The following COG5 variants were observed in gnomAD, a reference collection of about 807,000 sequenced individuals.
The protein encoded by COG5 is conserved oligomeric Golgi complex subunit 5.
COG5 carries 86 observed loss-of-function variants against 110.4 expected under a neutral mutation model. The ratio of observed to expected loss-of-function variants is 0.78; its 90% CI spans 0.65 to 0.93. The LOEUF (loss-of-function observed/expected upper bound fraction) is 0.93, where lower values mean the gene tolerates loss of function less well. Among genes scored for constraint, COG5 ranks in the 40% least tolerant of loss-of-function variants. The pLI is 0.00. For missense variants in COG5, 1,077 were observed against 987.0 expected, an observed-to-expected ratio of 1.09 and a Z score of -1.22; for synonymous variants, 360 against 334.6, an observed-to-expected ratio of 1.08 and a Z score of -0.83.
At chr7:107,275,443 T>G (rs1804627027) in intron 14 of COG5, among the ~76,000 whole-genome samples, 1 of 151,982 alleles carries the variant, frequency 6.6e-6, no homozygotes, top group South Asian at 2.1e-4. Flanking sequence ...GATTTCATAT[T>G]GCCTTTGATC....
intron 14 of COG5, among the ~76,000 whole-genome samples, chr7:107,278,532 G>A (rs1019035796): frequency 2.5e-4 from 38 of 152,178 alleles, no homozygotes; most frequent in African/African-American, 8.7e-4. Flanking sequence ...TTGGTTTTCT[G>A]TTCCTGTGTT....
chr7:107,223,351 C>T (rs759350196), intron 19 of COG5, among the ~76,000 whole-genome samples: 2 of 152,196 alleles, frequency 1.3e-5, no homozygotes, highest in East Asian at 1.9e-4. Flanking sequence ...GTTTGTGGCA[C>T]GAGGGGCCAT....
At chr7:107,494,030 C>G in intron 6 of COG5, among the ~76,000 whole-genome samples, 1 of 152,078 alleles carries the variant, frequency 6.6e-6, no homozygotes, top group Non-Finnish European at 1.5e-5. Flanking sequence ...ACCCCAAAAA[C>G]CAAAGTAAAG....
intron 14 of COG5, among the ~76,000 whole-genome samples, chr7:107,275,951 T>A (rs1247116150): frequency 6.6e-6 from 1 of 152,180 alleles, no homozygotes; most frequent in Non-Finnish European, 1.5e-5. Context: ...ACTTATAAAA[T>A]TATATAAAGA....
chr7:107,449,414 A>T (rs962080360), intron 6 of COG5, among the ~76,000 whole-genome samples: 1 of 152,214 alleles, frequency 6.6e-6, no homozygotes, highest in African/African-American at 2.4e-5. Flanking sequence ...TGGTAGCCAC[A>T]TCCTTTTGCT....
At chr7:107,218,808 T>C (rs755692954) in intron 19 of COG5, among the ~76,000 whole-genome samples, 1 of 151,942 alleles carries the variant, frequency 6.6e-6, no homozygotes, top group Non-Finnish European at 1.5e-5. Flanking sequence ...GTCTGGGAGG[T>C]AACTTTTTGG....
intron 6 of COG5, among the ~76,000 whole-genome samples, chr7:107,504,399 T>C (rs1798833089): frequency 1.3e-5 from 2 of 152,336 alleles, no homozygotes; most frequent in South Asian, 2.1e-4. Flanking sequence ...TTTGGTTAGT[T>C]AGTATTTTGT....
At chr7:107,310,944 CATTCTATGGA>C (rs1465047229) in intron 11 of COG5, among the ~76,000 whole-genome samples, 3 of 152,226 alleles carry the variant, frequency 2.0e-5, no homozygotes, top group Admixed American at 2.0e-4. Flanking sequence ...AAATCCATTC[CATTCTATGGA>C]ATTCTATGGA....
intron 6 of COG5, among the ~76,000 whole-genome samples, chr7:107,512,867 C>T (rs1289617746): frequency 8.6e-5 from 13 of 151,022 alleles, no homozygotes. Context: ...AAACTGGATC[C>T]CTTCCTTACA....
intron 10 of COG5, among the ~76,000 whole-genome samples, chr7:107,345,889 C>A (rs1370569065): frequency 6.6e-6 from 1 of 152,078 alleles, no homozygotes; most frequent in East Asian, 1.9e-4. Flanking sequence ...GCATATTTTG[C>A]TATTTGAGCA....
At chr7:107,453,333 G>T (rs17402816) in intron 6 of COG5, among the ~76,000 whole-genome samples, 9,018 of 152,126 alleles carry the variant, frequency 0.059, 338 homozygotes, top group Non-Finnish European at 0.089. Flanking sequence ...TTTGAGAATT[G>T]CTGCATATGG....
intron 6 of COG5, 97 bp from the exon 7 acceptor site, chr7:107,412,729 A>C: frequency 2.6e-6 from 2 of 764,422 alleles, no homozygotes; most frequent in Non-Finnish European, 4.2e-6. Flanking sequence ...AAAAAACAAA[A>C]AACGCTATTA....
intron 6 of COG5, among the ~76,000 whole-genome samples, chr7:107,451,186 G>A (rs896814187): frequency 6.6e-6 from 1 of 152,150 alleles, no homozygotes; most frequent in South Asian, 2.1e-4. Context: ...CAGATGTTGT[G>A]CATGACTTCA....
intron 10 of COG5, among the ~76,000 whole-genome samples, chr7:107,342,926 A>G (rs1811291553): frequency 6.6e-6 from 1 of 152,200 alleles, no homozygotes; most frequent in African/African-American, 2.4e-5. Flanking sequence ...TTGTATGTTC[A>G]TCATAGTGCT....
At chr7:107,361,949 A>G in intron 10 of COG5, 84 bp downstream of exon 10, 1 of 849,634 alleles carries the variant, frequency 1.2e-6, no homozygotes, top group Non-Finnish European at 2.0e-6. Flanking sequence ...CCACTCTATA[A>G]GGTAGTAGTA....
At chr7:107,554,086 G>A (rs778264057) in intron 3 of COG5, among the ~76,000 whole-genome samples, 199 bp downstream of exon 3, 16 of 152,196 alleles carry the variant, frequency 1.1e-4, no homozygotes, top group Non-Finnish European at 2.2e-4. Context: ...TTTCACTAAA[G>A]TCTTACTGAA....
intron 17 of COG5, among the ~76,000 whole-genome samples, chr7:107,244,251 C>CA (rs1388080902): frequency 1.3e-5 from 2 of 151,744 alleles, no homozygotes; most frequent in African/African-American, 2.4e-5. Context: ...GACTCCATCT[C>CA]AAAAAAACAA....
intron 10 of COG5, among the ~76,000 whole-genome samples, chr7:107,340,192 A>G (rs1811057923): frequency 1.3e-5 from 2 of 152,150 alleles, no homozygotes; most frequent in African/African-American, 4.8e-5. Flanking sequence ...CAAAGGCAAC[A>G]TTACAACCGA....
chr7:107,349,751 G>A (rs1490807330), intron 10 of COG5, among the ~76,000 whole-genome samples: 1 of 152,110 alleles, frequency 6.6e-6, no homozygotes, highest in East Asian at 1.9e-4. Flanking sequence ...TAGACACGGG[G>A]GTTTCACTGT....
Sources: allele counts gnomAD v4.1 joint callset (sites outside exome capture counted in the v4.1 genomes callset), GRCh38; gene constraint gnomAD v4.1.1; transcripts MANE v1.5; gene names NCBI Gene and HGNC (gene_info 2026-07-23, HGNC 2026-07-21).